The following DGKI variants were observed in gnomAD, a reference collection of about 807,000 sequenced individuals.
DGKI encodes the protein diacylglycerol kinase iota, also known as DAG kinase iota.
A neutral mutation model predicts 147.5 loss-of-function variants in DGKI; 55 were observed. The observed-to-expected ratio is 0.37, with a 90% CI of 0.30 to 0.47. DGKI has a LOEUF of 0.47. Among genes scored for constraint, DGKI ranks in the 20% least tolerant of loss-of-function variants. The pLI, the probability that DGKI is intolerant of heterozygous loss-of-function variation, is 1.00. For missense variants in DGKI, 1,007 were observed against 1,323.8 expected (o/e 0.76, Z 3.71); for synonymous variants, 469 against 477.1 (o/e 0.98, Z 0.22).
In DGKI at chr7:137,578,315, T is replaced by C. The variant is rs373135185; in HGVS notation, c.1653A>G (p.Pro551=). ...TTCGAAAACGACTGTTGAATTTCTC[T>C]GGATTTGCTTCTGTGAAAGAGGAAA... ...LEFHESREAN[P]EKFNSRFRNK... Residue 551 remains proline, a synonymous_variant, in exon 16 of 33, where the codon CCA becomes CCG. Coordinates refer to ENST00000614521, the MANE Select transcript of DGKI (RefSeq NM_001321708.2). The C allele has an allele frequency of 3.7e-6, 6 of 1,613,462 alleles. No homozygotes were observed. In the African/African-American group the frequency reaches 6.7e-5, roughly 18 times the overall value.
At chr7:137,446,509 T>C (rs1813721273) in intron 27 of DGKI, among the ~76,000 whole-genome samples, 1 of 152,066 alleles carries the variant, frequency 6.6e-6, no homozygotes, top group Admixed American at 6.6e-5. Flanking sequence ...GTGGATCACC[T>C]GAGGTCAGGA....
chr7:137,663,380 T>C (rs1822514219), intron 3 of DGKI, among the ~76,000 whole-genome samples: 1 of 152,146 alleles, frequency 6.6e-6, no homozygotes, highest in Non-Finnish European at 1.5e-5. Context: ...GTAAAAAGGG[T>C]CTAGCAGAGA....
intron 8 of DGKI, among the ~76,000 whole-genome samples, chr7:137,616,970 AT>A (rs1820553279): frequency 6.6e-6 from 1 of 151,964 alleles, no homozygotes; most frequent in African/African-American, 2.4e-5. Flanking sequence ...TCTTTGATAG[AT>A]AACAATAGAT....
intron 19 of DGKI, among the ~76,000 whole-genome samples, chr7:137,555,191 G>A (rs1818182684): frequency 6.6e-6 from 1 of 151,000 alleles, no homozygotes; most frequent in Non-Finnish European, 1.5e-5. Context: ...TGGGATTACA[G>A]GTGTGAGCCA....
rs750934213 is a variant in DGKI, at chr7:137,711,684, C to CA, written c.402-21683_402-21682insT. ...CTCATCCGTAAAATGGGGATACCAA[C>CA]TTTTTTTTTTTTTTTTTTTTTTTTT... is the stretch of plus-strand genomic sequence containing the variant. On this transcript the variant is annotated intron_variant, in intron 1 of 32. Transcript: ENST00000614521. Among the ~76,000 whole-genome samples, 9 of 79,736 alleles carry CA rather than the reference C, an allele frequency of 1.1e-4. No individual in the cohort carries two copies. The Admixed American group carries it at 1.4e-3, about 12-fold the overall frequency. The allele number at this position is 79,736 out of a possible 152,430, so 52.3% of individuals were successfully genotyped here.
chr7:137,642,394 C>T (rs1323380341), intron 6 of DGKI, among the ~76,000 whole-genome samples: 1 of 152,218 alleles, frequency 6.6e-6, no homozygotes, highest in East Asian at 1.9e-4. Flanking sequence ...TCAGGCTTAG[C>T]TTGACCACAG....
Position 137,384,320 on chromosome 7 carries a change from C to T in DGKI, c.*6900G>A, listed in dbSNP as rs970243774. Reference sequence around the variant, plus strand: ...ATGTACAAGCTGACAAGCCTCTCTCCGACAGCAAAAACTCTGACTTTTTGA... The same window carrying T: ...ATGTACAAGCTGACAAGCCTCTCTCTGACAGCAAAAACTCTGACTTTTTGA... On this transcript the variant is annotated 3_prime_UTR_variant, in exon 33 of 33. Transcript: ENST00000614521. 1.3e-5 allele frequency: 2 copies of T among 151,936 alleles called. No individual in the cohort carries two copies. Among genetic ancestry groups the T allele is most frequent in the Non-Finnish European group, 2.9e-5 (2 of 67,926 alleles). 9.4% of individuals were successfully genotyped at this position (151,936 alleles called of 1,614,324 possible). A position where few individuals can be genotyped will look rare whatever the true frequency, so the allele number is the denominator to read the frequency against.
intron 30 of DGKI, among the ~76,000 whole-genome samples, chr7:137,398,906 T>C (rs1034415829): frequency 3.9e-5 from 6 of 151,994 alleles, no homozygotes; most frequent in Non-Finnish European, 8.8e-5. Flanking sequence ...AGGTTTCCAA[T>C]ACATCATATC....
At chr7:137,620,140 C>T (rs1437385746) in intron 7 of DGKI, among the ~76,000 whole-genome samples, 200 bp from the exon 8 acceptor site, 1 of 152,064 alleles carries the variant, frequency 6.6e-6, no homozygotes, top group Non-Finnish European at 1.5e-5. Context: ...TCCTCATCAC[C>T]ACCCAGCCAG....
At chr7:137,751,065 G>T (rs1477975299) in intron 1 of DGKI, among the ~76,000 whole-genome samples, 1 of 152,104 alleles carries the variant, frequency 6.6e-6, no homozygotes, top group African/African-American at 2.4e-5. Flanking sequence ...TCATATTTTT[G>T]TTCCTATCTA....
At chr7:137,522,350 C>T (rs1816991388) in intron 20 of DGKI, among the ~76,000 whole-genome samples, 1 of 152,006 alleles carries the variant, frequency 6.6e-6, no homozygotes, top group African/African-American at 2.4e-5. Flanking sequence ...ATGCACATCA[C>T]AGTAAGACAT....
chr7:137,523,951 T>C (rs1157693906), intron 20 of DGKI, among the ~76,000 whole-genome samples: 2 of 151,496 alleles, frequency 1.3e-5, no homozygotes, highest in African/African-American at 4.9e-5. Context: ...CAGTTTCATG[T>C]TCTTTCTCTG....
intron 1 of DGKI, among the ~76,000 whole-genome samples, chr7:137,716,318 C>A (rs1794375563): frequency 6.6e-6 from 1 of 152,166 alleles, no homozygotes; most frequent in African/African-American, 2.4e-5. Context: ...CAAGAAAGGC[C>A]TTTAAATGAC....
At chr7:137,780,500 A>G (rs971848483) in intron 1 of DGKI, among the ~76,000 whole-genome samples, 1 of 152,298 alleles carries the variant, frequency 6.6e-6, no homozygotes, top group Admixed American at 6.5e-5. Flanking sequence ...ACCCTGGAAA[A>G]GGAAGGGTGT....
At chr7:137,408,506 G>C (rs770831932) in intron 29 of DGKI, among the ~76,000 whole-genome samples, 1 of 152,098 alleles carries the variant, frequency 6.6e-6, no homozygotes, top group South Asian at 2.1e-4. Context: ...TAAGATCACT[G>C]AATACAAGTA....
At chr7:137,769,158 G>A (rs918226483) in intron 1 of DGKI, among the ~76,000 whole-genome samples, 30 of 152,260 alleles carry the variant, frequency 2.0e-4, no homozygotes, top group Admixed American at 5.2e-4. Flanking sequence ...CTGCTTCTGC[G>A]ACACCCAAGG....
intron 1 of DGKI, among the ~76,000 whole-genome samples, chr7:137,702,731 T>A (rs1326285906): frequency 6.6e-6 from 1 of 152,114 alleles, no homozygotes; most frequent in African/African-American, 2.4e-5. Context: ...CCCAAAAAAC[T>A]ATGCTCAGAC....
chr7:137,606,876 A>G (rs1820203265), intron 10 of DGKI, among the ~76,000 whole-genome samples: 1 of 152,180 alleles, frequency 6.6e-6, no homozygotes, highest in Non-Finnish European at 1.5e-5. Flanking sequence ...TAATCCTATT[A>G]TACAATTATT....
intron 30 of DGKI, among the ~76,000 whole-genome samples, chr7:137,403,970 G>T (rs936539406): frequency 2.0e-5 from 3 of 152,056 alleles, no homozygotes; most frequent in Non-Finnish European, 4.4e-5. Context: ...ACTTACTGAG[G>T]CCTCTTGGAA....
Sources: gnomAD v4.1 joint callset for allele counts (sites outside exome capture counted in the v4.1 genomes callset) on GRCh38, gnomAD v4.1.1 for gene constraint, MANE v1.5 for transcripts, NCBI Gene and HGNC (gene_info 2026-07-23, HGNC 2026-07-21) for gene names.